The following AFAP1L1 variants were observed in gnomAD, a reference collection of about 807,000 sequenced individuals.
The protein encoded by AFAP1L1 is actin filament-associated protein 1-like 1.
Under a neutral mutation model 99.8 loss-of-function variants are expected in AFAP1L1, and 77 were observed. That is an observed-to-expected ratio of 0.77 (90% confidence interval 0.64 to 0.93). The LOEUF (loss-of-function observed/expected upper bound fraction) is 0.93, where lower values mean the gene tolerates loss of function less well. AFAP1L1 is among the 40% of genes least tolerant of loss of function. The probability of loss-of-function intolerance (pLI) is 0.00; values close to 1 mark genes in which losing one functional copy is unlikely to be tolerated. For synonymous variants in AFAP1L1, 373 were observed against 395.3 expected, an observed-to-expected ratio of 0.94 and a Z score of 0.67; for missense variants, 893 against 996.8, an observed-to-expected ratio of 0.90 and a Z score of 1.40.
chr5:149,296,559 A>G (rs1756023845), intron 1 of AFAP1L1, among the ~76,000 whole-genome samples: 1 of 150,924 alleles, frequency 6.6e-6, no homozygotes, highest in Non-Finnish European at 1.5e-5. Flanking sequence ...GTGAGTAATT[A>G]CCTATGAGGG....
At chr5:149,330,305 C>T (rs528624689) in intron 16 of AFAP1L1, among the ~76,000 whole-genome samples, 6 of 152,202 alleles carry the variant, frequency 3.9e-5, no homozygotes, top group Admixed American at 6.5e-5. Context: ...CTTTGGGCTT[C>T]TCCACACCCT....
intron 18 of AFAP1L1, among the ~76,000 whole-genome samples, chr5:149,338,759 T>G (rs1320309224): frequency 6.6e-6 from 1 of 152,172 alleles, no homozygotes; most frequent in Non-Finnish European, 1.5e-5. Context: ...AGCACAGTGA[T>G]AGCAAAGACC....
intron 3 of AFAP1L1, among the ~76,000 whole-genome samples, chr5:149,300,627 T>G (rs1271554199): frequency 6.6e-6 from 1 of 152,222 alleles, no homozygotes; most frequent in African/African-American, 2.4e-5. Flanking sequence ...CACCGGCCAC[T>G]CCCAGGTGAT....
chr5:149,283,625 G>A (rs779441536), intron 1 of AFAP1L1, among the ~76,000 whole-genome samples: 4 of 151,862 alleles, frequency 2.6e-5, no homozygotes, highest in African/African-American at 9.7e-5. Flanking sequence ...TGGCATCTTA[G>A]AATGGAGAAA....
rs35468603 is a variant in AFAP1L1 at position 149,339,178 on chromosome 5, C to CTT, written c.2284-810_2284-809dup. Among the ~76,000 whole-genome samples, 422 of 126,062 alleles carry CTT rather than the reference C, an allele frequency of 3.3e-3. 6 individuals carry two copies. The highest frequency in any genetic ancestry group is 8.9e-3 in the African/African-American group (280 of 31,498). 82.7% of individuals were successfully genotyped at this position (126,062 alleles called of 152,430 possible). ...TGAAAATGGCTGTGTCCCAATAAAGCTTTTTTTTTTTTTTTTTTTTGAGAC... is the reference window on the plus strand; with the variant it reads ...TGAAAATGGCTGTGTCCCAATAAAGCTTTTTTTTTTTTTTTTTTTTTTGAGAC... On this transcript the variant is annotated intron_variant, in intron 18 of 18. Transcript: ENST00000296721.
At chr5:149,300,054 A>G (rs1309512902) in intron 2 of AFAP1L1, among the ~76,000 whole-genome samples, 2 of 152,222 alleles carry the variant, frequency 1.3e-5, no homozygotes, top group African/African-American at 2.4e-5. Context: ...ATCTGTTTCC[A>G]TACTGGGCTT....
At position 149,320,423 on chromosome 5, in the gene AFAP1L1, A is replaced by G. The variant is rs148550254; in HGVS notation, c.1658A>G (p.Glu553Gly). The G allele has an allele frequency of 1.1e-4, 173 of 1,614,224 alleles. No homozygotes were observed. The African/African-American group carries it at 2.1e-3, about 20-fold the overall frequency. Reference sequence around the variant, plus strand: ...AGATCCTGCCAGAATCAGTGGCCTGAGCCCCGAGTCTATGATGATGTTCCT... The same window carrying G: ...AGATCCTGCCAGAATCAGTGGCCTGGGCCCCGAGTCTATGATGATGTTCCT... ...YARSCQNQWP[E>G]PRVYDDVPYE... The change falls in exon 14 of 19, where the codon GAG becomes GGG. Residue 553 changes from glutamate (E) to glycine (G), a missense_variant. Coordinates refer to ENST00000296721, the MANE Select transcript of AFAP1L1 (RefSeq NM_152406.4). This position sits in a 1 kb window ranked among gnomAD's most constrained non-coding sequence, Gnocchi z 4.0.
In AFAP1L1 at chr5:149,316,277, C is replaced by T. The variant is rs1008960794; in HGVS notation, c.1241C>T (p.Ser414Phe). 22 of 1,613,946 alleles carry T rather than the reference C, an allele frequency of 1.4e-5. No individual in the cohort carries two copies. The highest frequency in any genetic ancestry group is 1.7e-5 in the Admixed American group (1 of 59,994). The change falls in exon 11 of 19, where the codon TCC (serine) becomes TTC (phenylalanine). Residue 414 changes from serine (S) to phenylalanine (F), a missense_variant. Physicochemically the swap from Ser to Phe is radical, Grantham distance 155 (BLOSUM62 -2). Coordinates refer to ENST00000296721, the MANE Select transcript of AFAP1L1 (RefSeq NM_152406.4). Reference sequence around the variant, plus strand: ...CTGGCCGATGACCTGCAGACGTCCTCCACCGAGGAGGAGGTTCCCTGCTGT... The same window carrying T: ...CTGGCCGATGACCTGCAGACGTCCTTCACCGAGGAGGAGGTTCCCTGCTGT... ...KTLADDLQTSSTEEEVPCCGY... is the reference protein window; with the variant it reads ...KTLADDLQTSFTEEEVPCCGY...
chr5:149,307,818 T>TTCTCTCTCTCTCTCTCTC (rs70973517), intron 7 of AFAP1L1, among the ~76,000 whole-genome samples: 5,778 of 100,408 alleles, frequency 0.058, 1,119 homozygotes, highest in Middle Eastern at 0.11. Context: ...GTGCCTCTCT[T>TTCTCTCTCTCTCTCTCTC]TCTCTCTCTC....
chr5:149,333,469 A>T (rs1342982688), intron 17 of AFAP1L1, among the ~76,000 whole-genome samples: 2 of 152,180 alleles, frequency 1.3e-5, no homozygotes, highest in East Asian at 3.9e-4. Flanking sequence ...TGAGATCTCC[A>T]GGGTACCAGG....
intron 1 of AFAP1L1, among the ~76,000 whole-genome samples, chr5:149,295,488 C>T (rs1755987324): frequency 6.7e-6 from 1 of 150,050 alleles, no homozygotes; most frequent in African/African-American, 2.5e-5. Flanking sequence ...TTACTGATAG[C>T]AACAAGAAAT....
intron 15 of AFAP1L1, among the ~76,000 whole-genome samples, chr5:149,328,135 T>A (rs1757146917): frequency 6.6e-6 from 1 of 152,194 alleles, no homozygotes; most frequent in African/African-American, 2.4e-5. Context: ...AGGCCCTCCA[T>A]GCTGTATTTA....
rs1036525030 is a variant in AFAP1L1, at chr5:149,340,424, T to C, written c.*394T>C. 8.4e-5 allele frequency: 16 copies of C among 190,132 alleles called. No individual in the cohort carries two copies. The highest frequency in any genetic ancestry group is 3.7e-4 in the African/African-American group (16 of 43,712). 11.8% of individuals were successfully genotyped at this position (190,132 alleles called of 1,614,324 possible). ...CAGTCCTTAAGGCAAAGGGAGGCAG[T>C]GCTGAAGCATTGGTGGTGCAGTGTA... On this transcript the variant is annotated 3_prime_UTR_variant, in exon 19 of 19. Coordinates refer to ENST00000296721, the MANE Select transcript of AFAP1L1 (RefSeq NM_152406.4).
At chr5:149,280,471 C>CTT (rs77278332) in intron 1 of AFAP1L1, among the ~76,000 whole-genome samples, 2 of 145,418 alleles carry the variant, frequency 1.4e-5, no homozygotes, top group African/African-American at 2.5e-5. Context: ...TGGGAATCTG[C>CTT]TTTTTTTTTT....
intron 5 of AFAP1L1, among the ~76,000 whole-genome samples, chr5:149,305,563 C>A (rs2127595479): frequency 6.6e-6 from 1 of 152,304 alleles, no homozygotes; most frequent in East Asian, 1.9e-4. Flanking sequence ...CATTTTCAGA[C>A]AACTCCCAGG....
Position 149,320,032 on chromosome 5 carries a change from G to A in AFAP1L1, c.1625+305G>A, listed in dbSNP as rs182784190. Among the ~76,000 whole-genome samples the A allele has an allele frequency of 6.6e-6, 1 of 152,334 alleles. No homozygotes were observed. Among genetic ancestry groups the A allele is most frequent in the Admixed American group, 6.5e-5 (1 of 15,310 alleles). On this transcript the variant is annotated intron_variant, in intron 13 of 18. Transcript: ENST00000296721. This position sits in a 1 kb window ranked among gnomAD's most constrained non-coding sequence, Gnocchi z 4.0. ...TAAGCTTTCACACACTGGAGCATGG[G>A]CACGTGGCTAGTATATGGCATTTGG...
At chr5:149,331,357 A>C (rs906010417) in intron 16 of AFAP1L1, among the ~76,000 whole-genome samples, 1 of 152,244 alleles carries the variant, frequency 6.6e-6, no homozygotes, top group Non-Finnish European at 1.5e-5. Flanking sequence ...GCGGTGGCTC[A>C]CGCCTGTAAT....
chr5:149,287,574 T>G (rs1333947218), intron 1 of AFAP1L1, among the ~76,000 whole-genome samples: 1 of 151,996 alleles, frequency 6.6e-6, no homozygotes, highest in Non-Finnish European at 1.5e-5. Flanking sequence ...GGTTCTATTT[T>G]TATTTATTTT....
At chr5:149,307,811 C>CCTTTCTTTCTCTCTCTCT (rs1756470519) in intron 7 of AFAP1L1, among the ~76,000 whole-genome samples, 198 bp downstream of exon 7, 1 of 21,118 alleles carries the variant, frequency 4.7e-5, no homozygotes, top group African/African-American at 1.5e-4. Context: ...ACACCCTGTG[C>CCTTTCTTTCTCTCTCTCT]CTCTCTTTCT....
Sources: allele counts gnomAD v4.1 joint callset (sites outside exome capture counted in the v4.1 genomes callset), GRCh38; gene constraint gnomAD v4.1.1; non-coding constraint Gnocchi (gnomAD v3.1); transcripts MANE v1.5; gene names NCBI Gene and HGNC (gene_info 2026-07-23, HGNC 2026-07-21).